Variants in HS3ST2 observed in about 807,000 individuals in gnomAD.
HS3ST2 encodes heparan sulfate-glucosamine 3-sulfotransferase 2.
In HS3ST2, 17 loss-of-function variants were observed where a neutral mutation model predicts 26.3. The ratio of observed to expected loss-of-function variants is 0.65; its 90% confidence interval spans 0.44 to 0.97. The LOEUF is 0.97. Among genes scored for constraint, HS3ST2 ranks in the 50% least tolerant of loss-of-function variants. The pLI is 0.00. For synonymous variants in HS3ST2, 237 were observed against 219.2 expected (o/e 1.08, Z -0.72); for missense variants, 402 against 501.2 (o/e 0.80, Z 1.89).
intron 1 of HS3ST2, among the ~76,000 whole-genome samples, chr16:22,868,028 C>A (rs144315139): frequency 6.6e-5 from 10 of 152,212 alleles, no homozygotes; most frequent in Admixed American, 5.2e-4. Flanking sequence ...CAGAATGATG[C>A]GCTCAATTTG....
At chr16:22,866,305 G>C (rs60366244) in intron 1 of HS3ST2, among the ~76,000 whole-genome samples, 10 of 151,000 alleles carry the variant, frequency 6.6e-5, no homozygotes, top group African/African-American at 2.5e-4. Context: ...GGGAGAATTC[G>C]CGCAAGCACG....
chr16:22,892,001 G>A (rs944591987), intron 1 of HS3ST2, among the ~76,000 whole-genome samples: 20 of 151,988 alleles, frequency 1.3e-4, no homozygotes, highest in African/African-American at 2.9e-4. Context: ...TGGGCCGGGC[G>A]TGATGGCTCA....
intron 1 of HS3ST2, among the ~76,000 whole-genome samples, chr16:22,858,470 T>C (rs1901631492): frequency 6.6e-6 from 1 of 152,066 alleles, no homozygotes; most frequent in Admixed American, 6.6e-5. Context: ...AGATGTTTTA[T>C]GTTCCCAAAC....
chr16:22,906,692 C>T (rs1047621180), intron 1 of HS3ST2, among the ~76,000 whole-genome samples: 26 of 152,328 alleles, frequency 1.7e-4, no homozygotes, highest in Non-Finnish European at 3.8e-4. Context: ...CCCCTGTGGG[C>T]ACAATGAAAT....
At chr16:22,890,762 C>A (rs1338740432) in intron 1 of HS3ST2, among the ~76,000 whole-genome samples, 2 of 152,188 alleles carry the variant, frequency 1.3e-5, no homozygotes, top group African/African-American at 2.4e-5. Context: ...CCACGTCAGG[C>A]AGATTCCAGA....
intron 1 of HS3ST2, among the ~76,000 whole-genome samples, chr16:22,852,703 GT>G (rs1313432425): frequency 6.6e-6 from 1 of 152,152 alleles, no homozygotes; most frequent in East Asian, 1.9e-4. Context: ...ATTAATGCGT[GT>G]TTCTCCTGCA....
intron 1 of HS3ST2, among the ~76,000 whole-genome samples, chr16:22,913,459 A>G (rs1902452202): frequency 6.6e-6 from 1 of 152,184 alleles, no homozygotes. Flanking sequence ...AGCAGCCTGG[A>G]GTTCTGTGCT....
intron 1 of HS3ST2, among the ~76,000 whole-genome samples, chr16:22,908,836 AG>A (rs1214506330): frequency 1.3e-5 from 2 of 152,190 alleles, no homozygotes; most frequent in African/African-American, 4.8e-5. Context: ...TGAGTTTTGG[AG>A]GGGACAAATA....
chr16:22,863,916 C>T (rs1018573304), intron 1 of HS3ST2, among the ~76,000 whole-genome samples: 8 of 152,208 alleles, frequency 5.3e-5, no homozygotes, highest in Non-Finnish European at 1.0e-4. Context: ...GAAGGTTCTC[C>T]GCTCTATCTG....
chr16:22,843,768 T>C (rs1243132233), intron 1 of HS3ST2, among the ~76,000 whole-genome samples: 1 of 152,166 alleles, frequency 6.6e-6, no homozygotes, highest in African/African-American at 2.4e-5. Flanking sequence ...GTTGGGTTTT[T>C]ATGGAAGTTT....
intron 1 of HS3ST2, among the ~76,000 whole-genome samples, chr16:22,842,810 C>A (rs575450055): frequency 6.6e-6 from 1 of 152,184 alleles, no homozygotes; most frequent in Non-Finnish European, 1.5e-5. Flanking sequence ...CAGAAAACTT[C>A]CTCTACGATT....
chr16:22,874,503 C>A (rs1343289598), intron 1 of HS3ST2, among the ~76,000 whole-genome samples: 1 of 152,210 alleles, frequency 6.6e-6, no homozygotes, highest in Non-Finnish European at 1.5e-5. Flanking sequence ...CTGAGTCTCC[C>A]AATCCATGCT....
chr16:22,824,462 G>T lies in HS3ST2; in HGVS notation c.485+9367G>T, dbSNP rs962097706. On this transcript the variant is annotated intron_variant, in intron 1 of 1. Coordinates refer to ENST00000261374, the MANE Select transcript of HS3ST2 (RefSeq NM_006043.2). ...CTCAGGAGGCTGAGGCAAGAGAATG[G>T]CGTGAACCCGGGAGGCAGAGCTTGC... Among the ~76,000 whole-genome samples the T allele has an allele frequency of 2.6e-5, 4 of 152,252 alleles. No individual in the cohort carries two copies. The East Asian group carries it at 5.8e-4, about 22-fold the overall frequency.
chr16:22,866,201 GT>G (rs11302525), intron 1 of HS3ST2, among the ~76,000 whole-genome samples: 17,897 of 152,154 alleles, frequency 0.12, 1,707 homozygotes, highest in East Asian at 0.41. Flanking sequence ...AGAAGTCATT[GT>G]TTTGTGATTA....
At chr16:22,885,741 C>T (rs1242152052) in intron 1 of HS3ST2, among the ~76,000 whole-genome samples, 1 of 152,168 alleles carries the variant, frequency 6.6e-6, no homozygotes, top group Non-Finnish European at 1.5e-5. Flanking sequence ...CAGGTTTGAG[C>T]CACTGCGCCC....
chr16:22,883,142 C>T (rs1325284463), intron 1 of HS3ST2, among the ~76,000 whole-genome samples: 1 of 152,118 alleles, frequency 6.6e-6, no homozygotes, highest in Non-Finnish European at 1.5e-5. Context: ...TTATAAAGTG[C>T]CAGCAGATGC....
At position 22,915,634 on chromosome 16, in the gene HS3ST2, T is replaced by C. The variant is rs1162916461; in HGVS notation, c.*72T>C. On this transcript the variant is annotated 3_prime_UTR_variant, in exon 2 of 2. Transcript: ENST00000261374. ...CCGTGAGATTTGCTCCCAGACCCTC[T>C]GATCTCCCTCCAACAAACCCTGGCT... 27 of 1,494,888 alleles carry C rather than the reference T, an allele frequency of 1.8e-5. No individual in the cohort carries two copies. Among genetic ancestry groups the C allele is most frequent in the Non-Finnish European group, 2.3e-5 (26 of 1,107,696 alleles). The allele number at this position is 1,494,888 out of a possible 1,614,324, so 92.6% of individuals were successfully genotyped here. A position where few individuals can be genotyped will look rare whatever the true frequency, so the allele number is the denominator to read the frequency against.
rs139249818 is a variant in HS3ST2 at position 22,819,293 on chromosome 16, T to C, written c.485+4198T>C. On this transcript the variant is annotated intron_variant, in intron 1 of 1. Coordinates refer to ENST00000261374, the MANE Select transcript of HS3ST2 (RefSeq NM_006043.2). Reference sequence around the variant, plus strand: ...TCACCTGTGAAATGGCAATGATGCCTGAACTGCTTTGCAACCTTATAAAAA... The same window carrying C: ...TCACCTGTGAAATGGCAATGATGCCCGAACTGCTTTGCAACCTTATAAAAA... 8.7e-4 allele frequency among the ~76,000 whole-genome samples: 133 copies of C among 152,070 alleles called. 1 individual carries two copies. In the East Asian group the frequency reaches 0.024, roughly 28 times the overall value.
At chr16:22,832,211 G>A (rs1901181967) in intron 1 of HS3ST2, among the ~76,000 whole-genome samples, 1 of 147,382 alleles carries the variant, frequency 6.8e-6, no homozygotes, top group South Asian at 2.2e-4. Context: ...TGCCCAAGCT[G>A]GTTTCAAACT....
Sources: allele counts gnomAD v4.1 joint callset (sites outside exome capture counted in the v4.1 genomes callset), GRCh38; gene constraint gnomAD v4.1.1; transcripts MANE v1.5; gene names NCBI Gene and HGNC (gene_info 2026-07-23, HGNC 2026-07-21).